The following C6 variants were observed in gnomAD, a reference collection of about 807,000 sequenced individuals.
C6 encodes complement component C6.
C6 carries 101 observed loss-of-function variants against 112.9 expected under a neutral mutation model. The observed-to-expected ratio is 0.89, with a 90% confidence interval of 0.76 to 1.06. The LOEUF is 1.06. Ranked by LOEUF, C6 falls within the 50% of genes least tolerant of loss-of-function variation. The probability of loss-of-function intolerance (pLI) is 0.00; values close to 1 mark genes in which losing one functional copy is unlikely to be tolerated. For missense variants in C6, 1,202 were observed against 1,104.6 expected, an observed-to-expected ratio of 1.09 and a Z score of -1.25; for synonymous variants, 431 against 384.1, an observed-to-expected ratio of 1.12 and a Z score of -1.43.
At chr5:41,207,872 G>A (rs1751565675) in intron 1 of C6, among the ~76,000 whole-genome samples, 1 of 152,162 alleles carries the variant, frequency 6.6e-6, no homozygotes, top group Admixed American at 6.5e-5. Flanking sequence ...TCTGCACCAA[G>A]CGGACCTAAT....
intron 1 of C6, among the ~76,000 whole-genome samples, chr5:41,234,338 G>GTTT (rs544459678): frequency 5.5e-5 from 7 of 127,768 alleles, no homozygotes; most frequent in African/African-American, 2.0e-4. Context: ...CTACCCTTTC[G>GTTT]TTTTTTTTTT....
chr5:41,246,058 A>G (rs987435313), intron 1 of C6, among the ~76,000 whole-genome samples: 3 of 152,184 alleles, frequency 2.0e-5, no homozygotes, highest in Non-Finnish European at 4.4e-5. Flanking sequence ...AGATGAGTTG[A>G]AGAATTAGTC....
chr5:41,226,764 A>G (rs1739536266), intron 1 of C6, among the ~76,000 whole-genome samples: 1 of 151,998 alleles, frequency 6.6e-6, no homozygotes, highest in South Asian at 2.1e-4. Flanking sequence ...AGGTTCATCC[A>G]TGTTGCCTCA....
chr5:41,147,570 G>A (rs1423423656), intron 17 of C6, among the ~76,000 whole-genome samples: 2 of 152,106 alleles, frequency 1.3e-5, no homozygotes, highest in Non-Finnish European at 2.9e-5. Flanking sequence ...AAGAACACTG[G>A]GCCACAAAGT....
At chr5:41,234,501 G>A (rs951672932) in intron 1 of C6, among the ~76,000 whole-genome samples, 6 of 151,888 alleles carry the variant, frequency 4.0e-5, no homozygotes, top group African/African-American at 1.5e-4. Flanking sequence ...TTAATCAATA[G>A]AGTAAGAAAA....
In C6 at chr5:41,197,278, C is replaced by T. The variant is rs80220603; in HGVS notation, c.446-1345G>A. Among the ~76,000 whole-genome samples, 209 of 152,168 alleles carry T rather than the reference C, an allele frequency of 1.4e-3. 6 individuals carry two copies. The East Asian group carries it at 0.038, about 28-fold the overall frequency. On this transcript the variant is annotated intron_variant, in intron 4 of 17. Transcript: ENST00000337836. ...TTATAAAGAATTATAGCTACGAGCA[C>T]TATAATCACACAGGACTGGAAATGC...
At chr5:41,154,551 G>A (rs1273705471) in intron 14 of C6, among the ~76,000 whole-genome samples, 4 of 152,150 alleles carry the variant, frequency 2.6e-5, no homozygotes, top group Admixed American at 1.3e-4. Context: ...GTGTCTTGGC[G>A]AAAACTACGT....
Position 41,143,024 on chromosome 5 carries a change from G to A in C6, c.2624-18C>T, listed in dbSNP as rs1745492228. On this transcript the variant is annotated intron_variant, in intron 17 of 17. Transcript: ENST00000337836. The stretch of plus-strand genomic sequence containing the variant: ...AGTGGAGGCTGTAATGAGAGAGAGA[G>A]AGACAGTGTGACTTACCACAGTACA... 2 of 1,609,704 alleles carry A rather than the reference G, an allele frequency of 1.2e-6. No individual in the cohort carries two copies. Among genetic ancestry groups the A allele is most frequent in the African/African-American group, 2.7e-5 (2 of 74,920 alleles).
intron 1 of C6, among the ~76,000 whole-genome samples, chr5:41,245,014 T>A (rs1229451348): frequency 1.3e-5 from 2 of 152,160 alleles, no homozygotes; most frequent in Non-Finnish European, 2.9e-5. Flanking sequence ...TTGGTCATGG[T>A]TTATTTTCCT....
chr5:41,160,938 A>G (rs1387013727), intron 10 of C6, among the ~76,000 whole-genome samples: 1 of 152,186 alleles, frequency 6.6e-6, no homozygotes, highest in Non-Finnish European at 1.5e-5. Flanking sequence ...TTAACATCAT[A>G]AAACCTCAAA....
chr5:41,195,685 A>G, intron 5 of C6, 107 bp downstream of exon 5: 6 of 1,144,970 alleles, frequency 5.2e-6, no homozygotes, highest in Non-Finnish European at 7.8e-6. Context: ...TGGTAGGAGT[A>G]GTAAGAAGTT....
intron 1 of C6, among the ~76,000 whole-genome samples, chr5:41,250,161 T>G (rs1741262024): frequency 6.6e-6 from 1 of 152,190 alleles, no homozygotes; most frequent in African/African-American, 2.4e-5. Flanking sequence ...TCACACCCTA[T>G]TTAACAGACT....
chr5:41,234,897 A>C (rs1025476166), intron 1 of C6, among the ~76,000 whole-genome samples: 1 of 152,120 alleles, frequency 6.6e-6, no homozygotes, highest in Admixed American at 6.5e-5. Flanking sequence ...TGCTATAATA[A>C]TTCCTTACTA....
At chr5:41,236,308 T>C (rs1740297834) in intron 1 of C6, among the ~76,000 whole-genome samples, 1 of 138,956 alleles carries the variant, frequency 7.2e-6, no homozygotes, top group Non-Finnish European at 1.6e-5. Flanking sequence ...CTAGCCAGTT[T>C]TCCCAGCACC....
chr5:41,159,896 A>G (rs1302513152), intron 11 of C6, among the ~76,000 whole-genome samples: 1 of 152,142 alleles, frequency 6.6e-6, no homozygotes, highest in Admixed American at 6.6e-5. Flanking sequence ...CCTTAGATAG[A>G]TACTGGTGTT....
At chr5:41,183,507 A>T (rs111984784) in intron 6 of C6, among the ~76,000 whole-genome samples, 4 of 152,326 alleles carry the variant, frequency 2.6e-5, no homozygotes, top group African/African-American at 9.6e-5. Flanking sequence ...CTGTGGAGAA[A>T]AGGAATGCTA....
chr5:41,181,032 T>A (rs1749289093), intron 7 of C6, among the ~76,000 whole-genome samples: 2 of 151,862 alleles, frequency 1.3e-5, no homozygotes, highest in East Asian at 3.9e-4. Context: ...ATAACAAAAA[T>A]ATAAAATACA....
At chr5:41,257,177 C>G (rs1741769102) in intron 1 of C6, among the ~76,000 whole-genome samples, 1 of 152,142 alleles carries the variant, frequency 6.6e-6, no homozygotes, top group Non-Finnish European at 1.5e-5. Context: ...TCCTCCCACC[C>G]TCCTTGCTCA....
rs531493912 is a variant in C6, at chr5:41,229,516, A to G, written c.-20-26266T>C. Among the ~76,000 whole-genome samples the G allele has an allele frequency of 3.3e-5, 5 of 151,978 alleles. No homozygotes were observed. The South Asian group carries it at 8.3e-4, about 25-fold the overall frequency. On this transcript the variant is annotated intron_variant, in intron 1 of 17. Coordinates refer to the C6 transcript ENST00000263413. Reference sequence around the variant, plus strand: ...CCTCCTGTTATTGATTTCTAGTTTCATATTATTGTGATCAGAAAAGATGGT... The same window carrying G: ...CCTCCTGTTATTGATTTCTAGTTTCGTATTATTGTGATCAGAAAAGATGGT...
Sources: gnomAD v4.1 joint callset for allele counts (sites outside exome capture counted in the v4.1 genomes callset) on GRCh38, gnomAD v4.1.1 for gene constraint, MANE v1.5 for transcripts, NCBI Gene and HGNC (gene_info 2026-07-23, HGNC 2026-07-21) for gene names.